Variants in CAMSAP2 observed in about 807,000 individuals in gnomAD.
The protein encoded by CAMSAP2 is calmodulin regulated spectrin associated protein family member 2.
A neutral mutation model predicts 146.1 loss-of-function variants in CAMSAP2; 26 were observed. That is an observed-to-expected ratio of 0.18 (90% CI 0.13 to 0.25). The LOEUF (loss-of-function observed/expected upper bound fraction) is 0.25. CAMSAP2 is among the 10% of genes least tolerant of loss of function. CAMSAP2 has a pLI of 1.00. For missense variants in CAMSAP2, 1,381 were observed against 1,759.3 expected (o/e 0.78, Z 3.85); for synonymous variants, 499 against 596.6 (o/e 0.84, Z 2.38).
chr1:200,757,027 T>A (rs1394804025), intron 1 of CAMSAP2, among the ~76,000 whole-genome samples: 2 of 152,184 alleles, frequency 1.3e-5, no homozygotes, highest in Non-Finnish European at 2.9e-5. Context: ...ATGTTATTGA[T>A]CATCTTTATG....
At chr1:200,767,277 G>A (rs1383181373) in intron 2 of CAMSAP2, among the ~76,000 whole-genome samples, 1 of 151,438 alleles carries the variant, frequency 6.6e-6, no homozygotes, top group Non-Finnish European at 1.5e-5. Context: ...TGAGAGAATC[G>A]CTTGAACCTG....
intron 2 of CAMSAP2, among the ~76,000 whole-genome samples, chr1:200,782,832 C>T (rs1419753094): frequency 1.7e-5 from 2 of 116,680 alleles, no homozygotes; most frequent in Non-Finnish European, 3.3e-5. Flanking sequence ...ACTCTGTCAT[C>T]CAGGCTAGAG....
intron 1 of CAMSAP2, among the ~76,000 whole-genome samples, chr1:200,759,893 T>A (rs964409490): frequency 6.6e-6 from 1 of 152,194 alleles, no homozygotes; most frequent in African/African-American, 2.4e-5. Flanking sequence ...CAGGGTAGAA[T>A]AGGCAAGAAA....
In CAMSAP2 at chr1:200,815,543, A is replaced by C. The variant is rs367624646; in HGVS notation, c.562-18A>C. The C allele has an allele frequency of 7.7e-7, 1 of 1,296,680 alleles. No homozygotes were observed. 80.3% of individuals were successfully genotyped at this position (1,296,680 alleles called of 1,614,324 possible). A position where few individuals can be genotyped will look rare whatever the true frequency, so the allele number is the denominator to read the frequency against. On this transcript the variant is annotated intron_variant, in intron 3 of 16. Transcript: ENST00000358823. ...AAAAAAAGAATAAAAATTCAAACTG[A>C]TATTTTTATATTTTAAGGTAAATGA...
At chr1:200,803,851 A>G (rs189263896) in intron 2 of CAMSAP2, among the ~76,000 whole-genome samples, 45 of 151,964 alleles carry the variant, frequency 3.0e-4, no homozygotes, top group African/African-American at 9.9e-4. Flanking sequence ...ACTTTTATTC[A>G]TTCATTTTCC....
At chr1:200,816,498 G>A (rs1176742175) in intron 4 of CAMSAP2, among the ~76,000 whole-genome samples, 3 of 148,362 alleles carry the variant, frequency 2.0e-5, no homozygotes, top group Non-Finnish European at 4.5e-5. Flanking sequence ...GGAGACAGAG[G>A]CAGGAGAATC....
At chr1:200,774,061 T>C (rs1021864878) in intron 2 of CAMSAP2, among the ~76,000 whole-genome samples, 2 of 152,192 alleles carry the variant, frequency 1.3e-5, no homozygotes, top group African/African-American at 2.4e-5. Flanking sequence ...TGGACAGTCA[T>C]GGCAGTTGTC....
At chr1:200,822,342 A>G (rs553791646) in intron 4 of CAMSAP2, among the ~76,000 whole-genome samples, 1 of 152,128 alleles carries the variant, frequency 6.6e-6, no homozygotes, top group Non-Finnish European at 1.5e-5. Context: ...CCATTTTATC[A>G]TTAATTTATT....
Position 200,842,100 on chromosome 1 carries a change from T to C in CAMSAP2, c.1021+13T>C, listed in dbSNP as rs747122667. On this transcript the variant is annotated intron_variant, in intron 7 of 16. Transcript: ENST00000358823. ...CGTCCACAAGGAGGTAATCAATCTT[T>C]TTAATTTTAAATGTTCCTATGAACA... 5 of 1,595,750 alleles carry C rather than the reference T, an allele frequency of 3.1e-6. No homozygotes were observed. Among genetic ancestry groups the C allele is most frequent in the Non-Finnish European group, 4.3e-6 (5 of 1,163,428 alleles).
At chr1:200,831,363 T>C (rs1667039315) in intron 4 of CAMSAP2, among the ~76,000 whole-genome samples, 1 of 152,196 alleles carries the variant, frequency 6.6e-6, no homozygotes, top group Non-Finnish European at 1.5e-5. Context: ...ATTACGCCAG[T>C]TTACAGATGG....
In CAMSAP2 at chr1:200,816,746, G is replaced by A. The variant is rs1047442264; in HGVS notation, c.645+1102G>A. 2.3e-3 allele frequency among the ~76,000 whole-genome samples: 178 copies of A among 76,074 alleles called. 45 individuals are homozygous for A. The highest frequency in any genetic ancestry group is 9.9e-3 in the African/African-American group (108 of 10,898). 49.9% of individuals were successfully genotyped at this position (76,074 alleles called of 152,430 possible). A position where few individuals can be genotyped will look rare whatever the true frequency, so the allele number is the denominator to read the frequency against. On this transcript the variant is annotated intron_variant, in intron 4 of 16. Transcript: ENST00000358823. ...CACATATATGTGTGTACACACACAC[G>A]CGTGTATATATGTGTGTACACACAC... is the stretch of plus-strand genomic sequence containing the variant.
chr1:200,781,271 A>G (rs1030567904), intron 2 of CAMSAP2, among the ~76,000 whole-genome samples: 7 of 152,220 alleles, frequency 4.6e-5, no homozygotes, highest in Non-Finnish European at 1.0e-4. Flanking sequence ...TTTAAAATAT[A>G]CTAGGAATGT....
intron 1 of CAMSAP2, among the ~76,000 whole-genome samples, chr1:200,746,848 G>A (rs1157810237): frequency 6.6e-6 from 1 of 151,926 alleles, no homozygotes; most frequent in Non-Finnish European, 1.5e-5. Flanking sequence ...TTGATCTCCC[G>A]ACCTCGTGAT....
chr1:200,803,497 A>G (rs770828739), intron 2 of CAMSAP2, among the ~76,000 whole-genome samples: 12 of 152,142 alleles, frequency 7.9e-5, no homozygotes, highest in Non-Finnish European at 1.2e-4. Context: ...CATAGCTCCA[A>G]ACTGATTGAT....
At position 200,832,365 on chromosome 1, in the gene CAMSAP2, C is replaced by A. The variant is rs1667065810; in HGVS notation, c.787+24C>A. 2 of 1,597,784 alleles carry A rather than the reference C, an allele frequency of 1.3e-6. No homozygotes were observed. Among genetic ancestry groups the A allele is most frequent in the Non-Finnish European group, 1.7e-6 (2 of 1,172,484 alleles). On this transcript the variant is annotated intron_variant, in intron 5 of 16. Coordinates refer to ENST00000358823, the MANE Select transcript of CAMSAP2 (RefSeq NM_203459.4). The surrounding 1 kb of genome is among the most constrained non-coding windows in gnomAD (Gnocchi z 4.2). ...GGGTAAGTGTTCCATTGTAATACTT[C>A]TGAACTGTAGACAGATAGTAACCAA... is the stretch of plus-strand genomic sequence containing the variant.
At chr1:200,842,714 G>A (rs1484282440) in intron 7 of CAMSAP2, among the ~76,000 whole-genome samples, 2 of 152,012 alleles carry the variant, frequency 1.3e-5, no homozygotes, top group Non-Finnish European at 2.9e-5. Context: ...GGTGGCTCAC[G>A]CCTGTAATCC....
chr1:200,827,117 A>G (rs557134062), intron 4 of CAMSAP2, among the ~76,000 whole-genome samples: 2 of 152,314 alleles, frequency 1.3e-5, no homozygotes, highest in African/African-American at 4.8e-5. Context: ...CTTTAGTTAA[A>G]TTTCCTTCAC....
intron 1 of CAMSAP2, among the ~76,000 whole-genome samples, chr1:200,748,743 T>G (rs533849638): frequency 6.6e-6 from 1 of 152,214 alleles, no homozygotes; most frequent in South Asian, 2.1e-4. Context: ...AGAGGATTGA[T>G]TGCATTCAGG....
chr1:200,820,541 CT>C lies in CAMSAP2; in HGVS notation c.645+4900del, dbSNP rs1666729056. On this transcript the variant is annotated intron_variant, in intron 4 of 16. Coordinates refer to ENST00000358823, the MANE Select transcript of CAMSAP2 (RefSeq NM_203459.4). ...AAGGTGTATCTCAATATAGACTACA[CT>C]TTCCCCCTGTGAGAGAGTAGGTAAA... 5.3e-5 allele frequency among the ~76,000 whole-genome samples: 8 copies of C among 152,298 alleles called. No homozygotes were observed. In the South Asian group the frequency reaches 1.7e-3, roughly 32 times the overall value.
Sources: allele counts gnomAD v4.1 joint callset (sites outside exome capture counted in the v4.1 genomes callset), GRCh38; gene constraint gnomAD v4.1.1; non-coding constraint Gnocchi (gnomAD v3.1); transcripts MANE v1.5; gene names NCBI Gene and HGNC (gene_info 2026-07-23, HGNC 2026-07-21).